Variants in BMPR1B observed in about 807,000 individuals in gnomAD.
BMPR1B encodes bone morphogenetic protein receptor type 1B, also known as bone morphogenetic protein receptor type-1B.
BMPR1B carries 12 observed loss-of-function variants against 59.1 expected under a neutral mutation model. That is an observed-to-expected ratio of 0.20 (90% CI 0.13 to 0.33). The LOEUF is 0.33. Ranked by LOEUF, BMPR1B falls within the 10% of genes least tolerant of loss-of-function variation. BMPR1B has a pLI of 1.00. For synonymous variants in BMPR1B, 237 were observed against 207.3 expected (o/e 1.14, Z -1.23); for missense variants, 550 against 610.9 (o/e 0.90, Z 1.05).
chr4:95,051,820 G>C, intron 3 of BMPR1B: 6 of 1,514,846 alleles, frequency 4.0e-6, no homozygotes, highest in Non-Finnish European at 4.4e-6. Flanking sequence ...GGCTGAGTTA[G>C]AGTCTGATTT....
chr4:94,983,768 C>T (rs1721239473), intron 2 of BMPR1B, among the ~76,000 whole-genome samples: 1 of 152,180 alleles, frequency 6.6e-6, no homozygotes, highest in African/African-American at 2.4e-5. Flanking sequence ...TGAGCTCAGT[C>T]TCCAGGAAGC....
At chr4:95,126,139 A>G (rs1444035612) in intron 8 of BMPR1B, among the ~76,000 whole-genome samples, 4 of 152,120 alleles carry the variant, frequency 2.6e-5, no homozygotes, top group Admixed American at 2.6e-4. Context: ...TATTTTTAGC[A>G]CTAATAATGG....
At chr4:94,967,462 C>A (rs1158563423) in intron 2 of BMPR1B, among the ~76,000 whole-genome samples, 3 of 151,788 alleles carry the variant, frequency 2.0e-5, no homozygotes, top group Non-Finnish European at 4.4e-5. Context: ...TCCTCCCCTC[C>A]CCTCTCCTCT....
In BMPR1B at chr4:94,786,519, C is replaced by T. The variant is rs1722768158; in HGVS notation, c.-183+28451C>T. Among the ~76,000 whole-genome samples the T allele has an allele frequency of 2.0e-5, 3 of 152,126 alleles. No homozygotes were observed. In the South Asian group the frequency reaches 6.2e-4, roughly 32 times the overall value. On this transcript the variant is annotated intron_variant, in intron 1 of 12. Coordinates refer to ENST00000515059, the MANE Select transcript of BMPR1B (RefSeq NM_001203.3). ...AGGATTATGGGCATGTGCCACCACA[C>T]TTAGCTAATTTTTATTTATTTATTT...
intron 2 of BMPR1B, among the ~76,000 whole-genome samples, chr4:94,920,347 G>A (rs1350982797): frequency 6.6e-6 from 1 of 151,934 alleles, no homozygotes; most frequent in Non-Finnish European, 1.5e-5. Flanking sequence ...AATGCTTATT[G>A]TCTCTTGTTA....
At chr4:94,933,853 A>G (rs1271387685) in intron 2 of BMPR1B, among the ~76,000 whole-genome samples, 4 of 152,154 alleles carry the variant, frequency 2.6e-5, no homozygotes, top group Admixed American at 1.3e-4. Context: ...CTGTAAAAAC[A>G]TTTCACTGTA....
At chr4:95,009,578 C>T (rs1295838022) in intron 3 of BMPR1B, among the ~76,000 whole-genome samples, 1 of 152,166 alleles carries the variant, frequency 6.6e-6, no homozygotes, top group Non-Finnish European at 1.5e-5. Context: ...TTCTTCCTCT[C>T]TTAGCAAGTT....
At chr4:94,795,446 T>C (rs920244558) in intron 1 of BMPR1B, among the ~76,000 whole-genome samples, 1 of 150,082 alleles carries the variant, frequency 6.7e-6, no homozygotes, top group Admixed American at 6.6e-5. Flanking sequence ...TTTTTTTTTT[T>C]CAAAACTAGT....
intron 2 of BMPR1B, among the ~76,000 whole-genome samples, chr4:94,947,472 C>A (rs530534291): frequency 4.5e-4 from 68 of 152,280 alleles, no homozygotes; most frequent in African/African-American, 1.6e-3. Context: ...GATGCCCACG[C>A]CTTTGAGCTA....
intron 2 of BMPR1B, among the ~76,000 whole-genome samples, chr4:94,950,281 C>G (rs993359239): frequency 6.6e-6 from 1 of 151,988 alleles, no homozygotes; most frequent in Non-Finnish European, 1.5e-5. Context: ...TGCAGAAGCT[C>G]TTTAGTTTAA....
chr4:95,073,552 A>G (rs1260965181), intron 3 of BMPR1B, among the ~76,000 whole-genome samples: 1 of 152,136 alleles, frequency 6.6e-6, no homozygotes, highest in African/African-American at 2.4e-5. Context: ...AGAGTTAGTG[A>G]ATTGTTTTGG....
chr4:94,934,879 C>T (rs764855200), intron 2 of BMPR1B, among the ~76,000 whole-genome samples: 6 of 151,952 alleles, frequency 3.9e-5, no homozygotes, highest in Non-Finnish European at 8.8e-5. Context: ...GAAACTTTCA[C>T]ATTATTTAAT....
At chr4:94,811,012 A>G (rs1350742645) in intron 1 of BMPR1B, among the ~76,000 whole-genome samples, 1 of 152,238 alleles carries the variant, frequency 6.6e-6, no homozygotes, top group African/African-American at 2.4e-5. Context: ...TGGAACTGAG[A>G]AAAACATAGC....
rs1727472801 is a variant in BMPR1B at position 95,062,510 on chromosome 4, C to T, written c.-17-41898C>T. On this transcript the variant is annotated intron_variant, in intron 3 of 12. Coordinates refer to ENST00000515059, the MANE Select transcript of BMPR1B (RefSeq NM_001203.3). ...GAGTTCTAGGACAAAAAATTTGCAC[C>T]CCAGATTGAAGAATGGAGCATCTTT... is the stretch of plus-strand genomic sequence containing the variant. 3.3e-5 allele frequency among the ~76,000 whole-genome samples: 5 copies of T among 151,906 alleles called. No homozygotes were observed. The South Asian group carries it at 1.0e-3, about 32-fold the overall frequency.
chr4:95,103,719 T>A (rs780661628), intron 3 of BMPR1B, among the ~76,000 whole-genome samples: 33 of 152,122 alleles, frequency 2.2e-4, no homozygotes, highest in Non-Finnish European at 4.0e-4. Flanking sequence ...AGAGATCATG[T>A]CTACCATGGT....
chr4:94,874,451 T>G (rs1380691004), intron 1 of BMPR1B, among the ~76,000 whole-genome samples: 2 of 152,202 alleles, frequency 1.3e-5, no homozygotes, highest in Non-Finnish European at 2.9e-5. Flanking sequence ...CTTGTGTCTC[T>G]TTTTGTTTAT....
At chr4:95,095,338 A>G (rs1404248132) in intron 3 of BMPR1B, among the ~76,000 whole-genome samples, 3 of 152,126 alleles carry the variant, frequency 2.0e-5, no homozygotes, top group Non-Finnish European at 4.4e-5. Context: ...GTGAGTATTT[A>G]AACTAGTTTT....
At chr4:95,059,107 G>T (rs1293255093) in intron 3 of BMPR1B, among the ~76,000 whole-genome samples, 1 of 152,180 alleles carries the variant, frequency 6.6e-6, no homozygotes, top group Non-Finnish European at 1.5e-5. Context: ...GGGAATAGTT[G>T]AGTGGCTTTT....
chr4:94,774,932 A>G (rs1428019239), intron 1 of BMPR1B, among the ~76,000 whole-genome samples: 2 of 152,112 alleles, frequency 1.3e-5, no homozygotes, highest in Admixed American at 6.5e-5. Context: ...TTTCATTTTT[A>G]AAGTACATGA....
Sources: allele counts gnomAD v4.1 joint callset (sites outside exome capture counted in the v4.1 genomes callset), GRCh38; gene constraint gnomAD v4.1.1; transcripts MANE v1.5; gene names NCBI Gene and HGNC (gene_info 2026-07-23, HGNC 2026-07-21).